RFC3: variants seen among roughly 807,000 people sequenced by gnomAD.
The protein encoded by RFC3 is replication factor C subunit 3.
A neutral mutation model predicts 45.1 loss-of-function variants in RFC3; 41 were observed. That is an observed-to-expected ratio of 0.91 (90% CI 0.71 to 1.18). RFC3 has a LOEUF of 1.18. RFC3 is among the 50% of genes most tolerant of loss of function. The probability of loss-of-function intolerance (pLI) is 0.00; values close to 1 mark genes in which losing one functional copy is unlikely to be tolerated. For missense variants in RFC3, 423 were observed against 428.1 expected (o/e 0.99, Z 0.10); for synonymous variants, 149 against 144.0 (o/e 1.03, Z -0.25).
At chr13:33,888,934 C>T (rs963371212) in intron 8 of RFC3, among the ~76,000 whole-genome samples, 20 of 151,988 alleles carry the variant, frequency 1.3e-4, no homozygotes, top group Non-Finnish European at 2.4e-4. Context: ...TTAGTAGAGA[C>T]GGGGTTTCAC....
At chr13:33,848,025 A>G (rs1327843751) in intron 8 of RFC3, 4 of 152,226 alleles carry the variant, frequency 2.6e-5, no homozygotes, top group African/African-American at 9.6e-5. Flanking sequence ...GACCTTATAC[A>G]TGCCCAAGGC....
At chr13:33,847,986 C>G (rs571507842) in intron 8 of RFC3, 1 of 152,328 alleles carries the variant, frequency 6.6e-6, no homozygotes, top group Non-Finnish European at 1.5e-5. Context: ...TCTCGACTCT[C>G]TGCTGCTCAT....
rs182466993 is a variant in RFC3, at chr13:33,858,999, G to A, written c.879+23782G>A. Among the ~76,000 whole-genome samples the A allele has an allele frequency of 1.9e-3, 294 of 152,294 alleles. 1 individual carries two copies. Among genetic ancestry groups the A allele is most frequent in the African/African-American group, 6.5e-3 (271 of 41,580 alleles). ...GCACACTCAGTCGTATGTGTCCACA[G>A]CATCCTTCTCTCCCTGACTTCTGGG... On this transcript the variant is annotated intron_variant, in intron 8 of 8. Transcript: ENST00000434425.
intron 8 of RFC3, among the ~76,000 whole-genome samples, chr13:33,947,669 G>C (rs1250627375): frequency 6.6e-6 from 1 of 152,192 alleles, no homozygotes; most frequent in Non-Finnish European, 1.5e-5. Context: ...GAACTTCCTA[G>C]AGACTTGTTG....
At chr13:33,945,127 T>C (rs1017213872) in intron 8 of RFC3, among the ~76,000 whole-genome samples, 14 of 152,218 alleles carry the variant, frequency 9.2e-5, no homozygotes, top group Admixed American at 6.5e-5. Context: ...ACATCCTGCT[T>C]TCTGATCCCA....
intron 8 of RFC3, among the ~76,000 whole-genome samples, chr13:33,865,845 G>C (rs906106005): frequency 1.3e-5 from 2 of 152,052 alleles, no homozygotes; most frequent in Non-Finnish European, 2.9e-5. Context: ...CCTGAGGTCG[G>C]GAGTTCCAGA....
At chr13:33,921,478 T>C (rs1195613114) in intron 8 of RFC3, among the ~76,000 whole-genome samples, 1 of 152,176 alleles carries the variant, frequency 6.6e-6, no homozygotes, top group African/African-American at 2.4e-5. Flanking sequence ...TTCTTGTGCC[T>C]ACACGTTCCT....
chr13:33,937,465 T>C (rs2082894198), intron 8 of RFC3, among the ~76,000 whole-genome samples: 1 of 152,172 alleles, frequency 6.6e-6, no homozygotes, highest in South Asian at 2.1e-4. Flanking sequence ...AGACCTCTTA[T>C]ATTACCAATG....
chr13:33,961,781 A>G (rs2083058678), intron 8 of RFC3, among the ~76,000 whole-genome samples: 1 of 152,238 alleles, frequency 6.6e-6, no homozygotes, highest in African/African-American at 2.4e-5. Context: ...AACTGAGAAC[A>G]TAGAGACCAG....
At chr13:33,867,156 G>A (rs2082378935) in intron 8 of RFC3, among the ~76,000 whole-genome samples, 1 of 152,176 alleles carries the variant, frequency 6.6e-6, no homozygotes, top group African/African-American at 2.4e-5. Context: ...GAAGCAGTTA[G>A]CTTTATAGAA....
At chr13:33,912,391 G>A (rs955843915) in intron 8 of RFC3, among the ~76,000 whole-genome samples, 7 of 152,042 alleles carry the variant, frequency 4.6e-5, no homozygotes, top group African/African-American at 1.7e-4. Flanking sequence ...TCCTAAGATG[G>A]ACATTTATTC....
chr13:33,967,925 A>G (rs2083095576), downstream of RFC3, among the ~76,000 whole-genome samples: 1 of 152,246 alleles, frequency 6.6e-6, no homozygotes. Context: ...ACCCATTGAC[A>G]TCCATAAAGC....
chr13:33,832,152 A>T (rs1323110097), intron 7 of RFC3, among the ~76,000 whole-genome samples: 1 of 152,206 alleles, frequency 6.6e-6, no homozygotes, highest in African/African-American at 2.4e-5. Context: ...CCAAATAAAA[A>T]ATGACAATGT....
chr13:33,930,458 C>T (rs1468973151), intron 8 of RFC3, among the ~76,000 whole-genome samples: 2 of 152,138 alleles, frequency 1.3e-5, no homozygotes, highest in African/African-American at 4.8e-5. Flanking sequence ...GAAGACTCAG[C>T]AATTCTGCTC....
rs183560940 is a variant in RFC3 at position 33,931,178 on chromosome 13, G to C, written c.880-34909G>C. On this transcript the variant is annotated intron_variant, in intron 8 of 8. Coordinates refer to the RFC3 transcript ENST00000434425. ...TAGTGAGAATATCCAGATCAAAATA[G>C]AATTTTCAAGAGCTGATGTTACATG... Among the ~76,000 whole-genome samples the C allele has an allele frequency of 5.2e-4, 79 of 152,218 alleles. 1 individual carries two copies. Among genetic ancestry groups the C allele is most frequent in the Middle Eastern group, 3.4e-3 (1 of 294 alleles).
intron 8 of RFC3, among the ~76,000 whole-genome samples, chr13:33,962,014 A>G (rs367552139): frequency 3.7e-4 from 57 of 152,346 alleles, no homozygotes; most frequent in African/African-American, 1.3e-3. Flanking sequence ...AATGGTCCCC[A>G]GAGGAGTCAT....
intron 8 of RFC3, among the ~76,000 whole-genome samples, chr13:33,869,163 T>A (rs895122417): frequency 3.3e-5 from 5 of 152,236 alleles, no homozygotes; most frequent in African/African-American, 1.2e-4. Flanking sequence ...TCTACTCTGG[T>A]CCTGCCCATT....
In RFC3 at chr13:33,827,246, A is replaced by G. The variant is rs558953035; in HGVS notation, c.391+1360A>G. On this transcript the variant is annotated intron_variant, in intron 4 of 8. Coordinates refer to ENST00000380071, the MANE Select transcript of RFC3 (RefSeq NM_002915.4). ...CAAGGTTGCAGTGAGCTGTGATTGC[A>G]CTACTGTACTCCAGCCAGGGTGACA... Among the ~76,000 whole-genome samples, 7 of 152,262 alleles carry G rather than the reference A, an allele frequency of 4.6e-5. No individual in the cohort carries two copies. The South Asian group carries it at 1.4e-3, about 32-fold the overall frequency.
At chr13:33,890,612 C>A (rs9563907) in intron 8 of RFC3, among the ~76,000 whole-genome samples, 26,970 of 152,116 alleles carry the variant, frequency 0.18, 5,156 homozygotes, top group African/African-American at 0.48. Context: ...TTTGGACCCT[C>A]ATGTTTATTT....
Sources: allele counts gnomAD v4.1 joint callset (sites outside exome capture counted in the v4.1 genomes callset), GRCh38; gene constraint gnomAD v4.1.1; transcripts MANE v1.5; gene names NCBI Gene and HGNC (gene_info 2026-07-23, HGNC 2026-07-21).